The following KCNMA1 variants were observed in gnomAD, a reference collection of about 807,000 sequenced individuals.
KCNMA1 encodes the protein Calcium-activated potassium channel subunit alpha-1.
KCNMA1 carries 29 observed loss-of-function variants against 140.0 expected under a neutral mutation model. The ratio of observed to expected loss-of-function variants is 0.21; its 90% confidence interval spans 0.15 to 0.28. The LOEUF is 0.28. KCNMA1 is among the 10% of genes least tolerant of loss of function. The pLI, the probability that KCNMA1 is intolerant of heterozygous loss-of-function variation, is 1.00. For missense variants in KCNMA1, 880 were observed against 1,602.2 expected (o/e 0.55, Z 7.70); for synonymous variants, 612 against 611.9 (o/e 1.00, Z 0.00).
intron 1 of KCNMA1, among the ~76,000 whole-genome samples, chr10:77,440,458 C>A (rs560071100): frequency 1.3e-5 from 2 of 152,312 alleles, no homozygotes; most frequent in East Asian, 3.9e-4. Flanking sequence ...CACCACAAAA[C>A]GCTGCTTGCT....
At chr10:77,488,613 C>T (rs1396666077) in intron 1 of KCNMA1, among the ~76,000 whole-genome samples, 1 of 152,188 alleles carries the variant, frequency 6.6e-6, no homozygotes, top group Non-Finnish European at 1.5e-5. Context: ...GTGCACAGCC[C>T]TGCCCATCAT....
intron 1 of KCNMA1, among the ~76,000 whole-genome samples, chr10:77,617,415 G>A (rs964183745): frequency 2.0e-5 from 3 of 152,206 alleles, no homozygotes; most frequent in African/African-American, 4.8e-5. Flanking sequence ...TAGGGCCAAC[G>A]TAAACCAGTG....
chr10:77,412,533 C>T (rs946975516), intron 1 of KCNMA1, among the ~76,000 whole-genome samples: 17 of 152,266 alleles, frequency 1.1e-4, no homozygotes, highest in African/African-American at 4.1e-4. Context: ...CAGGCACAGG[C>T]TGTGTGCCCT....
intron 3 of KCNMA1, among the ~76,000 whole-genome samples, chr10:77,235,064 T>C (rs10824498): frequency 0.033 from 5,007 of 152,286 alleles, 252 homozygotes; most frequent in East Asian, 0.22. Context: ...TACGAGAAGA[T>C]GAATTTTGGA....
intron 14 of KCNMA1, among the ~76,000 whole-genome samples, chr10:77,069,033 A>C (rs2096076194): frequency 1.3e-5 from 2 of 152,234 alleles, no homozygotes; most frequent in African/African-American, 4.8e-5. Flanking sequence ...ACTCAAAAAC[A>C]AAAACAAAAA....
chr10:77,004,850 G>T (rs903102467), intron 18 of KCNMA1, among the ~76,000 whole-genome samples: 3 of 152,102 alleles, frequency 2.0e-5, no homozygotes, highest in African/African-American at 7.2e-5. Flanking sequence ...CTTTTCTAGA[G>T]CTGATTTAGG....
chr10:77,472,295 CACAT>C (rs2154528831), intron 1 of KCNMA1, among the ~76,000 whole-genome samples: 1 of 151,546 alleles, frequency 6.6e-6, no homozygotes, highest in African/African-American at 2.4e-5. Context: ...ATGTCACACA[CACAT>C]CACACACACA....
intron 1 of KCNMA1, among the ~76,000 whole-genome samples, chr10:77,502,421 C>A (rs1249420351): frequency 1.3e-5 from 2 of 152,188 alleles, no homozygotes; most frequent in East Asian, 3.8e-4. Flanking sequence ...TCCTATTTGC[C>A]CGAATGCTCT....
chr10:77,548,704 C>G (rs1476755929), intron 1 of KCNMA1, among the ~76,000 whole-genome samples: 2 of 152,194 alleles, frequency 1.3e-5, no homozygotes, highest in Non-Finnish European at 2.9e-5. Context: ...TGGCTAACTC[C>G]TGATGCAACC....
chr10:77,196,501 C>G (rs192473618), intron 3 of KCNMA1, among the ~76,000 whole-genome samples: 1 of 152,246 alleles, frequency 6.6e-6, no homozygotes, highest in Non-Finnish European at 1.5e-5. Flanking sequence ...TTCAAAGGAT[C>G]TTTTTACTGG....
At chr10:77,605,333 C>T (rs2084096362) in intron 1 of KCNMA1, among the ~76,000 whole-genome samples, 2 of 152,230 alleles carry the variant, frequency 1.3e-5, no homozygotes, top group Non-Finnish European at 2.9e-5. Flanking sequence ...AAAAGAGATG[C>T]TTCATCTTTC....
intron 1 of KCNMA1, among the ~76,000 whole-genome samples, chr10:77,545,634 A>C (rs1469689947): frequency 6.6e-6 from 1 of 152,200 alleles, no homozygotes; most frequent in Non-Finnish European, 1.5e-5. Flanking sequence ...TGCCTGGAAC[A>C]TATTCTCCCA....
intron 1 of KCNMA1, among the ~76,000 whole-genome samples, chr10:77,587,313 G>A (rs1166486669): frequency 3.9e-5 from 6 of 151,996 alleles, no homozygotes; most frequent in African/African-American, 1.4e-4. Context: ...ACTGAATATA[G>A]GCTTATGTAA....
intron 1 of KCNMA1, among the ~76,000 whole-genome samples, chr10:77,489,256 A>T (rs1160138581): frequency 6.6e-6 from 1 of 152,166 alleles, no homozygotes; most frequent in African/African-American, 2.4e-5. Context: ...AAAACTAAAA[A>T]CCAAAAACCT....
chr10:77,510,947 G>A (rs996782189), intron 1 of KCNMA1, among the ~76,000 whole-genome samples: 4 of 152,172 alleles, frequency 2.6e-5, no homozygotes, highest in African/African-American at 9.7e-5. Flanking sequence ...TGGAGATAAC[G>A]CCGATTAACA....
intron 2 of KCNMA1, among the ~76,000 whole-genome samples, chr10:77,318,709 C>T (rs1379127682): frequency 6.6e-6 from 1 of 152,188 alleles, no homozygotes; most frequent in South Asian, 2.1e-4. Context: ...GTCTCCTATG[C>T]TGCTGTCCAC....
At chr10:77,556,524 A>AG (rs1336983283) in intron 1 of KCNMA1, among the ~76,000 whole-genome samples, 2 of 147,762 alleles carry the variant, frequency 1.4e-5, no homozygotes, top group Admixed American at 1.4e-4. Context: ...AAAAAAAAAA[A>AG]AAGGGAATTC....
At chr10:77,078,370 T>C (rs1247783) in intron 13 of KCNMA1, among the ~76,000 whole-genome samples, 141,905 of 152,204 alleles carry the variant, frequency 0.93, 66,286 homozygotes, top group African/African-American at 0.98. Flanking sequence ...ATTGACTGGC[T>C]GAGAGAAGGA....
chr10:77,628,719 A>T (rs1355853925), intron 1 of KCNMA1, among the ~76,000 whole-genome samples: 1 of 147,220 alleles, frequency 6.8e-6, no homozygotes. Context: ...AGTAAAAGTC[A>T]ACTCTGATAA....
Sources: gnomAD v4.1 joint callset for allele counts (sites outside exome capture counted in the v4.1 genomes callset) on GRCh38, gnomAD v4.1.1 for gene constraint, MANE v1.5 for transcripts, NCBI Gene and HGNC (gene_info 2026-07-23, HGNC 2026-07-21) for gene names.